The following RGS12 variants were observed in gnomAD, a reference collection of about 807,000 sequenced individuals.
The protein encoded by RGS12 is regulator of G protein signaling 12, also known as regulator of G-protein signaling 12.
Under a neutral mutation model 120.1 loss-of-function variants are expected in RGS12, and 66 were observed. That is an observed-to-expected ratio of 0.55 (90% CI 0.45 to 0.67). The LOEUF is 0.67. Among genes scored for constraint, RGS12 ranks in the 30% least tolerant of loss-of-function variants. The pLI is 0.00. For missense variants in RGS12, 1,859 were observed against 1,957.7 expected (o/e 0.95, Z 0.95); for synonymous variants, 827 against 804.7 (o/e 1.03, Z -0.47).
intron 2 of RGS12, among the ~76,000 whole-genome samples, chr4:3,327,325 A>G (rs534139421): frequency 1.3e-5 from 2 of 152,356 alleles, no homozygotes; most frequent in Admixed American, 6.5e-5. Flanking sequence ...ACCTGAAACT[A>G]TAAAAATACT....
intron 1 of RGS12, 28 bp downstream of exon 1, chr4:3,293,127 G>C (rs1195172604): frequency 6.8e-6 from 1 of 146,440 alleles, no homozygotes; most frequent in Non-Finnish European, 1.5e-5. Flanking sequence ...GGGCCGGGGC[G>C]GGGGCAGGGC....
intron 1 of RGS12, among the ~76,000 whole-genome samples, chr4:3,301,664 G>C (rs1723695293): frequency 2.1e-5 from 3 of 144,088 alleles, no homozygotes; most frequent in Admixed American, 2.0e-4. Flanking sequence ...CCGAGGGCTG[G>C]GGATGGAGAG....
chr4:3,437,027 G>T (rs1577114936), intron 17 of RGS12, among the ~76,000 whole-genome samples: 1 of 152,180 alleles, frequency 6.6e-6, no homozygotes, highest in African/African-American at 2.4e-5. Context: ...GGTGGTGCAG[G>T]CTCTGCTGGG....
rs752357313 is a variant in RGS12 at position 3,425,455 on chromosome 4, C to T, written c.3235-9C>T. The T allele has an allele frequency of 1.9e-6, 3 of 1,610,046 alleles. No individual in the cohort carries two copies. Among genetic ancestry groups the T allele is most frequent in the East Asian group, 2.2e-5 (1 of 44,780 alleles). On this transcript the variant is annotated splice_polypyrimidine_tract_variant and intron_variant, in intron 13 of 17. Coordinates refer to ENST00000336727, the MANE Select transcript of RGS12 (RefSeq NM_001394154.1). ...TGGGTAAATTATTCAGTGCTGATCT[C>T]TGCCCTAGAGTGGAGAGAAGGAGCC...
At chr4:3,346,402 G>A (rs1210207592) in intron 3 of RGS12, among the ~76,000 whole-genome samples, 1 of 152,200 alleles carries the variant, frequency 6.6e-6, no homozygotes. Flanking sequence ...TCTTATTCCA[G>A]TGCCTTGGAG....
rs1723924380 is a variant in RGS12, at chr4:3,428,622, C to G, written c.3476C>G (p.Ala1159Gly). 1 of 1,604,356 alleles carries G rather than the reference C, an allele frequency of 6.2e-7. No homozygotes were observed. The highest frequency in any genetic ancestry group is 8.5e-7 in the Non-Finnish European group (1 of 1,176,560). ...ATAAAAGGAGAAAATGGAAAAAATG[C>G]TAGGGATCCCCGGCTTTCAAAGAGA... ...IKIKGENGKN[A>G]RDPRLSKREE... Residue 1159 changes from alanine to glycine, a missense_variant, in exon 16 of 18, where the codon GCT (alanine) becomes GGT (glycine). Ala to Gly is a moderately conservative substitution (Grantham distance 60). Around this residue, in one of 3 missense-constraint regions of RGS12, gnomAD observed 517 missense variants for 488.5 expected, o/e 1.06. Transcript: ENST00000336727.
chr4:3,431,002 C>A, intron 17 of RGS12, 47 bp downstream of exon 17: 3 of 1,594,770 alleles, frequency 1.9e-6, no homozygotes, highest in Non-Finnish European at 2.6e-6. Context: ...TAAGCGTGGT[C>A]TGCTCAGCTT....
chr4:3,378,957 A>G (rs1717971191), intron 3 of RGS12, among the ~76,000 whole-genome samples: 1 of 152,022 alleles, frequency 6.6e-6, no homozygotes, highest in African/African-American at 2.4e-5. Context: ...GGAAGTGTTA[A>G]TCACAATAGC....
At position 3,430,345 on chromosome 4, in the gene RGS12, C is replaced by T. The variant is rs771810130; in HGVS notation, c.3566-62C>T. 1.9e-4 allele frequency: 275 copies of T among 1,427,120 alleles called. 1 individual carries two copies. The highest frequency in any genetic ancestry group is 2.4e-4 in the Non-Finnish European group (246 of 1,036,896). 88.4% of individuals were successfully genotyped at this position (1,427,120 alleles called of 1,614,324 possible). A position where few individuals can be genotyped will look rare whatever the true frequency, so the allele number is the denominator to read the frequency against. ...GATGAGAGCTTTCTAGAATGTTCTG[C>T]GGTGACAGTCATTAATGTGAAACTC... On this transcript the variant is annotated intron_variant, in intron 16 of 17. Coordinates refer to ENST00000336727, the MANE Select transcript of RGS12 (RefSeq NM_001394154.1).
Position 3,366,203 on chromosome 4 carries a change from C to T in RGS12, c.1999-20213C>T, listed in dbSNP as rs1716283161. On this transcript the variant is annotated intron_variant, in intron 3 of 17. Transcript: ENST00000336727. This position sits in a 1 kb window ranked among gnomAD's most constrained non-coding sequence, Gnocchi z 4.0. ...TAGGGGTTAGGGGTTAGGCACAGGG[C>T]TGGGGCGGGTGCTGGGCAGACTGCA... 6.6e-6 allele frequency among the ~76,000 whole-genome samples: 1 copy of T among 151,948 alleles called. No homozygotes were observed. Among genetic ancestry groups the T allele is most frequent in the South Asian group, 2.1e-4 (1 of 4,820 alleles).
intron 17 of RGS12, among the ~76,000 whole-genome samples, chr4:3,432,978 A>G (rs1054139661): frequency 1.3e-5 from 2 of 152,256 alleles, no homozygotes. Context: ...GCGTTGGGAC[A>G]GAAACTGCTC....
At chr4:3,380,460 G>A (rs1441061946) in intron 3 of RGS12, among the ~76,000 whole-genome samples, 3 of 152,220 alleles carry the variant, frequency 2.0e-5, no homozygotes, top group Non-Finnish European at 4.4e-5. Context: ...GGGACTCTGT[G>A]TGGGGACTCT....
At chr4:3,354,250 T>C (rs1485113202) in intron 3 of RGS12, among the ~76,000 whole-genome samples, 8 of 152,206 alleles carry the variant, frequency 5.3e-5, no homozygotes, top group African/African-American at 7.2e-5. Flanking sequence ...ATTCCACTTA[T>C]TGGAGGCTCT....
chr4:3,356,447 T>C (rs988325682), intron 3 of RGS12, among the ~76,000 whole-genome samples: 5 of 152,126 alleles, frequency 3.3e-5, no homozygotes, highest in Admixed American at 1.3e-4. Flanking sequence ...TTAAACTCTT[T>C]CATAATGTGC....
chr4:3,389,287 C>T lies in RGS12; in HGVS notation c.2020+2850C>T, dbSNP rs527526895. ...CGGGAAAAAGGGTTACAGCTGGTCTCTGGGGGGCACGGCAGGGCTGTGGGT... is the reference window on the plus strand; with the variant it reads ...CGGGAAAAAGGGTTACAGCTGGTCTTTGGGGGGCACGGCAGGGCTGTGGGT... On this transcript the variant is annotated intron_variant, in intron 4 of 17. Transcript: ENST00000336727. This position sits in a 1 kb window ranked among gnomAD's most constrained non-coding sequence, Gnocchi z 5.2. Among the ~76,000 whole-genome samples, 34 of 152,222 alleles carry T rather than the reference C, an allele frequency of 2.2e-4. No individual in the cohort carries two copies. In the South Asian group the frequency reaches 7.1e-3, roughly 32 times the overall value.
intron 3 of RGS12, among the ~76,000 whole-genome samples, chr4:3,371,686 C>T (rs1717010762): frequency 6.6e-6 from 1 of 152,208 alleles, no homozygotes; most frequent in South Asian, 2.1e-4. Context: ...GGCGTCTCTG[C>T]TGCAGCTCTG....
chr4:3,299,422 G>A (rs1301859881), intron 1 of RGS12, among the ~76,000 whole-genome samples: 1 of 152,086 alleles, frequency 6.6e-6, no homozygotes, highest in African/African-American at 2.4e-5. Flanking sequence ...AGTTGGTGCA[G>A]CTCTCTCCTT....
chr4:3,429,053 G>A (rs559300976), intron 16 of RGS12, among the ~76,000 whole-genome samples: 18 of 152,224 alleles, frequency 1.2e-4, no homozygotes, highest in Admixed American at 5.9e-4. Context: ...GGTCCCCAGC[G>A]TGACTGGAGG....
intron 1 of RGS12, among the ~76,000 whole-genome samples, chr4:3,298,401 A>C (rs553509580): frequency 1.8e-4 from 28 of 151,932 alleles, no homozygotes; most frequent in Non-Finnish European, 3.7e-4. Flanking sequence ...CCCAGGCTGG[A>C]GTGCAGTGGT....
Sources: allele counts gnomAD v4.1 joint callset (sites outside exome capture counted in the v4.1 genomes callset), GRCh38; gene constraint gnomAD v4.1.1; regional missense constraint gnomAD v4.1.1; non-coding constraint Gnocchi (gnomAD v3.1); transcripts MANE v1.5; gene names NCBI Gene and HGNC (gene_info 2026-07-23, HGNC 2026-07-21).